FGGY: variants seen among roughly 807,000 people sequenced by gnomAD.
FGGY encodes FGGY carbohydrate kinase domain-containing protein.
In FGGY, 72 loss-of-function variants were observed where a neutral mutation model predicts 71.3. That is an observed-to-expected ratio of 1.01 (90% CI 0.84 to 1.23). The LOEUF is 1.23. Ranked by LOEUF, FGGY falls within the 50% of genes most tolerant of loss-of-function variation. The pLI, the probability that FGGY is intolerant of heterozygous loss-of-function variation, is 0.00. For missense variants in FGGY, 668 were observed against 682.3 expected (o/e 0.98, Z 0.23); for synonymous variants, 251 against 250.3 (o/e 1.00, Z -0.02).
intron 7 of FGGY, among the ~76,000 whole-genome samples, chr1:59,530,919 C>T (rs1291303666): frequency 6.6e-6 from 1 of 152,066 alleles, no homozygotes; most frequent in South Asian, 2.1e-4. Flanking sequence ...GGTTAATGGA[C>T]CAGAAGACGG....
chr1:59,406,003 A>G (rs1324996897), intron 5 of FGGY, among the ~76,000 whole-genome samples: 1 of 151,992 alleles, frequency 6.6e-6, no homozygotes, highest in African/African-American at 2.4e-5. Flanking sequence ...CTAGAGAACA[A>G]TAAGATAGAA....
intron 14 of FGGY, among the ~76,000 whole-genome samples, chr1:59,754,346 A>G (rs1369761388): frequency 2.1e-4 from 31 of 150,836 alleles, no homozygotes; most frequent in Admixed American, 1.6e-3. Flanking sequence ...TAGATTGCTC[A>G]CTACTCTTCT....
intron 5 of FGGY, among the ~76,000 whole-genome samples, chr1:59,406,109 C>G (rs557831525): frequency 1.3e-4 from 19 of 151,568 alleles, no homozygotes; most frequent in Non-Finnish European, 2.4e-4. Context: ...TGTTAATAGA[C>G]AGTTGATTCT....
At chr1:59,590,415 G>A (rs1287928628) in intron 8 of FGGY, among the ~76,000 whole-genome samples, 7 of 152,270 alleles carry the variant, frequency 4.6e-5, no homozygotes, top group Non-Finnish European at 5.9e-5. Flanking sequence ...AGAAAAAGAG[G>A]TTATCCTCCC....
intron 6 of FGGY, among the ~76,000 whole-genome samples, chr1:59,469,347 CT>C (rs2092820166): frequency 6.6e-6 from 1 of 152,138 alleles, no homozygotes; most frequent in African/African-American, 2.4e-5. Context: ...TGATAAGGGC[CT>C]TCTTGCTGCA....
intron 14 of FGGY, among the ~76,000 whole-genome samples, chr1:59,738,066 A>G (rs1189944709): frequency 6.6e-6 from 1 of 152,222 alleles, no homozygotes; most frequent in African/African-American, 2.4e-5. Context: ...GAATCAACCA[A>G]GTCAAATAAG....
chr1:59,756,485 C>G (rs2098292676), intron 14 of FGGY, among the ~76,000 whole-genome samples: 1 of 152,236 alleles, frequency 6.6e-6, no homozygotes, highest in Non-Finnish European at 1.5e-5. Context: ...TTATCCGCTT[C>G]TAGCGTAGTA....
chr1:59,329,944 G>A (rs1257006271), intron 2 of FGGY, among the ~76,000 whole-genome samples: 1 of 152,194 alleles, frequency 6.6e-6, no homozygotes, highest in Non-Finnish European at 1.5e-5. Flanking sequence ...CCATTGGATA[G>A]TGCTGCCCCA....
At chr1:59,296,852 G>C (rs2042013989), upstream of FGGY, 1 of 152,376 alleles carries the variant, frequency 6.6e-6, no homozygotes, top group Non-Finnish European at 1.5e-5. Context: ...GGGGTTCGGC[G>C]CGGCTACGTG....
chr1:59,586,320 C>T (rs1162611468), intron 8 of FGGY, among the ~76,000 whole-genome samples: 2 of 152,150 alleles, frequency 1.3e-5, no homozygotes, highest in East Asian at 3.8e-4. Context: ...CCATGGAATA[C>T]TATGCAGCCA....
rs563492140 is a variant in FGGY, at chr1:59,478,171, C to T, written c.670+21095C>T. 4.3e-4 allele frequency among the ~76,000 whole-genome samples: 65 copies of T among 152,252 alleles called. 1 individual carries two copies. The South Asian group carries it at 0.011, about 25-fold the overall frequency. On this transcript the variant is annotated intron_variant, in intron 6 of 15. Coordinates refer to ENST00000303721, the MANE Select transcript of FGGY (RefSeq NM_018291.5). ...AACAGAGACCTCTCAATGCAGGCCT[C>T]GTGGGAACAATCTTATCTTATCCGG...
At chr1:59,391,061 C>T (rs796293960) in intron 5 of FGGY, among the ~76,000 whole-genome samples, 58 of 152,264 alleles carry the variant, frequency 3.8e-4, no homozygotes, top group African/African-American at 1.3e-3. Context: ...AAGATAAATC[C>T]GAACTCAGTT....
intron 5 of FGGY, among the ~76,000 whole-genome samples, chr1:59,454,279 C>G (rs997403221): frequency 6.6e-6 from 1 of 152,134 alleles, no homozygotes; most frequent in African/African-American, 2.4e-5. Flanking sequence ...CTGCCTTTTG[C>G]TCCCTAATAT....
intron 6 of FGGY, among the ~76,000 whole-genome samples, chr1:59,462,353 C>T (rs2092305015): frequency 6.6e-6 from 1 of 152,240 alleles, no homozygotes; most frequent in East Asian, 1.9e-4. Context: ...ACCATAAAAA[C>T]CCTAGAAGAA....
In FGGY at chr1:59,665,200, T is replaced by A. The variant is rs11810231; in HGVS notation, c.1297-2083T>A. On this transcript the variant is annotated intron_variant, in intron 12 of 15. Coordinates refer to ENST00000303721, the MANE Select transcript of FGGY (RefSeq NM_018291.5). ...TTTTTTTTCTGGGGAGGTCAGTAGG[T>A]TTTGGCATATTCTCAAGGGGGTTCA... 6.2e-3 allele frequency among the ~76,000 whole-genome samples: 940 copies of A among 152,204 alleles called. 11 individuals carry two copies. The highest frequency in any genetic ancestry group is 0.022 in the African/African-American group (899 of 41,536).
intron 10 of FGGY, among the ~76,000 whole-genome samples, chr1:59,635,013 G>A (rs138959211): frequency 2.8e-4 from 42 of 152,292 alleles, no homozygotes; most frequent in African/African-American, 9.6e-4. Flanking sequence ...GAGAGAGAGG[G>A]TGAGCGATCC....
chr1:59,508,351 A>G (rs192388719), intron 6 of FGGY, among the ~76,000 whole-genome samples: 3 of 152,306 alleles, frequency 2.0e-5, no homozygotes, highest in Middle Eastern at 3.4e-3. Context: ...CATTAGTTCT[A>G]TTGTTTCTGA....
At chr1:59,423,147 C>T (rs2065749270) in intron 5 of FGGY, among the ~76,000 whole-genome samples, 2 of 152,168 alleles carry the variant, frequency 1.3e-5, no homozygotes, top group African/African-American at 4.8e-5. Flanking sequence ...CCAGAGCTTC[C>T]TTTACTGGAT....
At chr1:59,571,257 T>A (rs1277702875) in intron 8 of FGGY, among the ~76,000 whole-genome samples, 1 of 152,224 alleles carries the variant, frequency 6.6e-6, no homozygotes, top group Non-Finnish European at 1.5e-5. Flanking sequence ...GATGTTAAAG[T>A]TAGGCAGATC....
Sources: gnomAD v4.1 joint callset for allele counts (sites outside exome capture counted in the v4.1 genomes callset) on GRCh38, gnomAD v4.1.1 for gene constraint, MANE v1.5 for transcripts, NCBI Gene and HGNC (gene_info 2026-07-23, HGNC 2026-07-21) for gene names.